Variants in KMT2E observed in about 807,000 individuals in gnomAD.
KMT2E encodes the protein lysine methyltransferase 2E (inactive).
In KMT2E, 30 loss-of-function variants were observed where a neutral mutation model predicts 184.6. That is an observed-to-expected ratio of 0.16 (90% confidence interval 0.12 to 0.22). The LOEUF (loss-of-function observed/expected upper bound fraction) is 0.22, where lower values mean the gene tolerates loss of function less well. KMT2E is among the 10% of genes least tolerant of loss of function. KMT2E has a pLI of 1.00. For synonymous variants in KMT2E, 815 were observed against 776.5 expected, an observed-to-expected ratio of 1.05 and a Z score of -0.82; for missense variants, 2,023 against 2,237.4, an observed-to-expected ratio of 0.90 and a Z score of 1.93.
At position 105,110,906 on chromosome 7, in the gene KMT2E, T is replaced by A. The variant is rs1216152371; in HGVS notation, c.4068+38T>A. 2.1e-6 allele frequency: 3 copies of A among 1,404,510 alleles called. No individual in the cohort carries two copies. The South Asian group carries it at 3.5e-5, about 16-fold the overall frequency. The allele number at this position is 1,404,510 out of a possible 1,614,324, so 87.0% of individuals were successfully genotyped here. A position where few individuals can be genotyped will look rare whatever the true frequency, so the allele number is the denominator to read the frequency against. Reference sequence around the variant, plus strand: ...ACCTTTCGATGGGTTCCAAAGGACTTTAGGTTGAGTGCAGAAAAGCTGATG... The same window carrying A: ...ACCTTTCGATGGGTTCCAAAGGACTATAGGTTGAGTGCAGAAAAGCTGATG... On this transcript the variant is annotated intron_variant, in intron 26 of 26. Coordinates refer to ENST00000311117, the MANE Select transcript of KMT2E (RefSeq NM_182931.3).
At position 105,107,048 on chromosome 7, in the gene KMT2E, G is replaced by C. The variant is rs1043410516; in HGVS notation, c.2848-118G>C. On this transcript the variant is annotated intron_variant, in intron 20 of 26. Transcript: ENST00000311117. ...TTATTTGGGGAATGGAAATAAACAG[G>C]AAACAAGATCTAAAACTAAAGTCTG... 3 of 668,136 alleles carry C rather than the reference G, an allele frequency of 4.5e-6. No homozygotes were observed. The African/African-American group carries it at 5.5e-5, about 12-fold the overall frequency. 41.4% of individuals were successfully genotyped at this position (668,136 alleles called of 1,614,324 possible). A position where few individuals can be genotyped will look rare whatever the true frequency, so the allele number is the denominator to read the frequency against.
rs1202100561 is a variant in KMT2E at position 105,071,580 on chromosome 7, GTGTATA to G, written c.498-2037_498-2032del. Among the ~76,000 whole-genome samples the G allele has an allele frequency of 4.0e-4, 26 of 64,986 alleles. 2 individuals are homozygous for G. Among genetic ancestry groups the G allele is most frequent in the East Asian group, 3.5e-3 (6 of 1,694 alleles). 42.6% of individuals were successfully genotyped at this position (64,986 alleles called of 152,430 possible). On this transcript the variant is annotated intron_variant, in intron 6 of 26. Transcript: ENST00000311117. ...TATGTATGTATGTATGTATGTGTGT[GTGTATA>G]TATATATATATATATATATATATTT...
intron 13 of KMT2E, among the ~76,000 whole-genome samples, chr7:105,082,953 C>T (rs897392189): frequency 6.6e-6 from 1 of 152,186 alleles, no homozygotes; most frequent in African/African-American, 2.4e-5. Flanking sequence ...GCAATCATCT[C>T]CATTAGGCAT....
intron 23 of KMT2E, 111 bp downstream of exon 23, chr7:105,109,339 T>G (rs1799071808): frequency 9.2e-7 from 1 of 1,082,046 alleles, no homozygotes; most frequent in Non-Finnish European, 1.3e-6. Context: ...TGGTCACAAT[T>G]TTAAAAGATT....
At chr7:105,050,375 C>T (rs1401276418) in intron 3 of KMT2E, among the ~76,000 whole-genome samples, 2 of 152,138 alleles carry the variant, frequency 1.3e-5, no homozygotes, top group African/African-American at 2.4e-5. Flanking sequence ...TGCCCAGGTG[C>T]TTTAAATGTC....
At chr7:105,109,315 C>G in intron 23 of KMT2E, 87 bp downstream of exon 23, 1 of 1,337,978 alleles carries the variant, frequency 7.5e-7, no homozygotes, top group Non-Finnish European at 1.0e-6. Context: ...CAAGGCTAAG[C>G]TGATAGTGCT....
intron 13 of KMT2E, among the ~76,000 whole-genome samples, chr7:105,084,342 A>G (rs541696067): frequency 6.6e-6 from 1 of 152,190 alleles, no homozygotes; most frequent in South Asian, 2.1e-4. Context: ...AATTTACTGT[A>G]TTGACCAGGT....
chr7:105,109,195 C>T lies in KMT2E; in HGVS notation c.3722C>T (p.Thr1241Ile). ...AATAACTGCCCTGTTAAGGATGCTACTGCTAGTGAGAAGAATGAACCAGAA... is the reference window on the plus strand; with the variant it reads ...AATAACTGCCCTGTTAAGGATGCTATTGCTAGTGAGAAGAATGAACCAGAA... ...TSNNCPVKDA[T>I]ASEKNEPEVQ... The change falls in exon 23 of 27, where the codon ACT (threonine) becomes ATT (isoleucine). Residue 1241 changes from threonine (T) to isoleucine (I), a missense_variant. Thr to Ile is a moderately conservative substitution (Grantham distance 89). This residue lies in a region of KMT2E where 1,108 missense variants were observed against 1,050.9 expected (regional missense o/e 1.05). Transcript: ENST00000311117. 1 of 1,614,012 alleles carries T rather than the reference C, an allele frequency of 6.2e-7. No individual in the cohort carries two copies. Among genetic ancestry groups the T allele is most frequent in the Non-Finnish European group, 8.5e-7 (1 of 1,179,950 alleles).
chr7:105,075,024 T>G (rs911571810), intron 8 of KMT2E, among the ~76,000 whole-genome samples: 4 of 152,202 alleles, frequency 2.6e-5, no homozygotes, highest in African/African-American at 9.6e-5. Context: ...CAAACTGCTT[T>G]GAAATCATTT....
At chr7:105,044,343 T>G (rs1330562379) in intron 3 of KMT2E, among the ~76,000 whole-genome samples, 1 of 152,202 alleles carries the variant, frequency 6.6e-6, no homozygotes, top group East Asian at 1.9e-4. Context: ...GTAGGGACAA[T>G]GCAGTTTGAT....
At chr7:105,083,490 A>G (rs1361949319) in intron 13 of KMT2E, among the ~76,000 whole-genome samples, 1 of 152,206 alleles carries the variant, frequency 6.6e-6, no homozygotes, top group East Asian at 1.9e-4. Context: ...AATGGTACCA[A>G]TCCAGAAAAA....
At chr7:105,014,643 C>A (rs975366192) in intron 1 of KMT2E, 108 bp downstream of exon 1, 2 of 151,936 alleles carry the variant, frequency 1.3e-5, no homozygotes, top group African/African-American at 4.8e-5. Context: ...CTGGGGGAGC[C>A]GACGTTGACT....
intron 13 of KMT2E, chr7:105,089,257 G>T: frequency 2.4e-6 from 1 of 417,166 alleles, no homozygotes; most frequent in Non-Finnish European, 4.8e-6. Context: ...GGAATGCAGT[G>T]GCACAATCTT....
chr7:105,064,943 A>C (rs1796969456), intron 5 of KMT2E, among the ~76,000 whole-genome samples: 1 of 152,134 alleles, frequency 6.6e-6, no homozygotes, highest in African/African-American at 2.4e-5. Flanking sequence ...TCTTCTTTTG[A>C]TATAACGGCG....
At chr7:105,104,001 G>C (rs1798784477) in intron 17 of KMT2E, 1 of 151,280 alleles carries the variant, frequency 6.6e-6, no homozygotes. Flanking sequence ...TAATTTTTTT[G>C]TATTTTAGTA....
chr7:105,091,728 A>C (rs1274875085), intron 15 of KMT2E: 3 of 232,012 alleles, frequency 1.3e-5, no homozygotes, highest in East Asian at 1.9e-4. Context: ...AAAAAAAAAA[A>C]AAACCTACCA....
intron 13 of KMT2E, among the ~76,000 whole-genome samples, chr7:105,087,485 G>A (rs1383393401): frequency 5.4e-5 from 8 of 149,472 alleles, no homozygotes; most frequent in Non-Finnish European, 8.9e-5. Flanking sequence ...GTGCAGTGGC[G>A]CGATCTCGGC....
intron 20 of KMT2E, 62 bp downstream of exon 20, chr7:105,106,834 A>G: frequency 8.5e-6 from 13 of 1,523,836 alleles, no homozygotes; most frequent in South Asian, 1.2e-5. Context: ...TTCTTTTAAG[A>G]GCTCTTTCCC....
At chr7:105,084,491 G>C (rs1293957580) in intron 13 of KMT2E, among the ~76,000 whole-genome samples, 3 of 152,068 alleles carry the variant, frequency 2.0e-5, no homozygotes, top group Non-Finnish European at 2.9e-5. Context: ...TCCGGGCGTG[G>C]TGGCGGGCCC....
Sources: gnomAD v4.1 joint callset for allele counts (sites outside exome capture counted in the v4.1 genomes callset) on GRCh38, gnomAD v4.1.1 for gene constraint, gnomAD v4.1.1 regional missense constraint, MANE v1.5 for transcripts, NCBI Gene and HGNC (gene_info 2026-07-23, HGNC 2026-07-21) for gene names.